Variants in RAP1A observed in about 807,000 individuals in gnomAD.
The protein encoded by RAP1A is RAP1A, member of RAS oncogene family.
In RAP1A, 6 loss-of-function variants were observed where a neutral mutation model predicts 26.4. The observed-to-expected ratio is 0.23, with a 90% CI of 0.12 to 0.45. RAP1A has a LOEUF of 0.45. Among genes scored for constraint, RAP1A ranks in the 20% least tolerant of loss-of-function variants. The pLI is 0.99. For missense variants in RAP1A, 121 were observed against 217.2 expected (o/e 0.56, Z 2.78); for synonymous variants, 73 against 79.4 (o/e 0.92, Z 0.43).
intron 1 of RAP1A, among the ~76,000 whole-genome samples, chr1:111,667,455 C>A (rs777492560): frequency 1.3e-5 from 2 of 152,044 alleles, no homozygotes; most frequent in Admixed American, 6.6e-5. Context: ...GAGGCCGAGG[C>A]GGCTGGATCA....
chr1:111,577,236 G>A (rs187662455), intron 1 of RAP1A, among the ~76,000 whole-genome samples: 33 of 151,714 alleles, frequency 2.2e-4, no homozygotes, highest in African/African-American at 6.3e-4. Context: ...AACCCTGTCC[G>A]TACTAAAAAT....
At chr1:111,705,912 A>G (rs1662174027) in intron 6 of RAP1A, among the ~76,000 whole-genome samples, 1 of 151,980 alleles carries the variant, frequency 6.6e-6, no homozygotes, top group Non-Finnish European at 1.5e-5. Flanking sequence ...AGTTCATCAG[A>G]CTCCAGGCTC....
At chr1:111,665,355 A>G (rs1271111478) in intron 1 of RAP1A, among the ~76,000 whole-genome samples, 1 of 152,200 alleles carries the variant, frequency 6.6e-6, no homozygotes, top group Admixed American at 6.5e-5. Flanking sequence ...GAATAAAGTT[A>G]GAGAGTGAAT....
intron 1 of RAP1A, among the ~76,000 whole-genome samples, chr1:111,559,605 T>C (rs1296258147): frequency 1.3e-5 from 2 of 152,222 alleles, no homozygotes; most frequent in African/African-American, 4.8e-5. Flanking sequence ...AATCAAATGG[T>C]ATCCAATGAC....
At chr1:111,699,173 A>C (rs558989) in intron 4 of RAP1A, among the ~76,000 whole-genome samples, 1 of 151,010 alleles carries the variant, frequency 6.6e-6, no homozygotes, top group African/African-American at 2.4e-5. Context: ...TCTCAAAATC[A>C]CTCCTTACAC....
At position 111,596,549 on chromosome 1, in the gene RAP1A, G is replaced by C. The variant is rs879486535; in HGVS notation, c.-28+54040G>C. 2.6e-5 allele frequency among the ~76,000 whole-genome samples: 4 copies of C among 152,202 alleles called. No homozygotes were observed. In the Middle Eastern group the frequency reaches 9.5e-3, roughly 361 times the overall value. On this transcript the variant is annotated intron_variant, in intron 1 of 7. Coordinates refer to the RAP1A transcript ENST00000356415. The stretch of plus-strand genomic sequence containing the variant: ...TAGTCCCATTCCTTGTACAGTGCTT[G>C]GTCCATAGCAGATGATCTTAGTCCA...
At chr1:111,661,593 G>A (rs991857674) in intron 1 of RAP1A, among the ~76,000 whole-genome samples, 3 of 152,122 alleles carry the variant, frequency 2.0e-5, no homozygotes, top group African/African-American at 7.2e-5. Flanking sequence ...GAGGTCAGGA[G>A]TTCGAGACCA....
chr1:111,646,339 A>G (rs1660062261), intron 1 of RAP1A, among the ~76,000 whole-genome samples: 1 of 151,454 alleles, frequency 6.6e-6, no homozygotes. Flanking sequence ...ATCCCTGCCA[A>G]TTAGAGCTAG....
chr1:111,641,139 G>A (rs962544535), intron 1 of RAP1A, among the ~76,000 whole-genome samples: 1 of 152,154 alleles, frequency 6.6e-6, no homozygotes, highest in Non-Finnish European at 1.5e-5. Flanking sequence ...GTACATATAT[G>A]CATATATAGA....
intron 1 of RAP1A, among the ~76,000 whole-genome samples, chr1:111,658,610 G>A (rs1294918231): frequency 6.6e-6 from 1 of 152,096 alleles, no homozygotes; most frequent in Non-Finnish European, 1.5e-5. Context: ...ACTGGTTCAG[G>A]ATCATTAAGA....
intron 1 of RAP1A, among the ~76,000 whole-genome samples, chr1:111,633,003 G>C (rs72695284): frequency 6.6e-6 from 1 of 151,746 alleles, no homozygotes; most frequent in South Asian, 2.1e-4. Flanking sequence ...ACCATTTGTG[G>C]CAGTATAATT....
At chr1:111,624,267 T>G (rs1206576188) in intron 1 of RAP1A, among the ~76,000 whole-genome samples, 4 of 152,186 alleles carry the variant, frequency 2.6e-5, no homozygotes, top group Non-Finnish European at 5.9e-5. Context: ...AACAAAAATA[T>G]TTAAGCTTTA....
intron 1 of RAP1A, among the ~76,000 whole-genome samples, chr1:111,606,194 C>G (rs142594261): frequency 6.6e-6 from 1 of 152,294 alleles, no homozygotes; most frequent in Non-Finnish European, 1.5e-5. Context: ...CTCAGAAACT[C>G]TCTCTGAATC....
At chr1:111,698,241 T>A (rs1045069362) in intron 4 of RAP1A, among the ~76,000 whole-genome samples, 10 of 152,204 alleles carry the variant, frequency 6.6e-5, no homozygotes, top group Admixed American at 5.9e-4. Flanking sequence ...ACTTGACACA[T>A]TAGGCAATTC....
chr1:111,543,064 G>A (rs1656903409), intron 1 of RAP1A, among the ~76,000 whole-genome samples: 1 of 152,002 alleles, frequency 6.6e-6, no homozygotes, highest in Non-Finnish European at 1.5e-5. Flanking sequence ...TCTCCCAGTG[G>A]GTTATAAAAT....
chr1:111,610,787 A>T (rs1035558779), intron 1 of RAP1A, among the ~76,000 whole-genome samples: 2 of 152,236 alleles, frequency 1.3e-5, no homozygotes, highest in African/African-American at 4.8e-5. Context: ...TCTTCTACTG[A>T]ATATAACAGA....
At chr1:111,691,306 A>G in intron 1 of RAP1A, 28 bp from the exon 2 acceptor site, 1 of 1,504,472 alleles carries the variant, frequency 6.6e-7, no homozygotes. Flanking sequence ...ATGTTTCTTA[A>G]TCTTTGATTT....
chr1:111,625,687 A>G (rs534675330), intron 1 of RAP1A, among the ~76,000 whole-genome samples: 7 of 152,340 alleles, frequency 4.6e-5, no homozygotes, highest in East Asian at 1.9e-4. Context: ...GGCCAAATCT[A>G]TTGATACCTT....
At chr1:111,670,767 A>G (rs1428863857) in intron 1 of RAP1A, among the ~76,000 whole-genome samples, 2 of 152,200 alleles carry the variant, frequency 1.3e-5, no homozygotes, top group Non-Finnish European at 2.9e-5. Context: ...GCAGATTTTT[A>G]TAAAAGAGAG....
Sources: allele counts gnomAD v4.1 joint callset (sites outside exome capture counted in the v4.1 genomes callset), GRCh38; gene constraint gnomAD v4.1.1; transcripts MANE v1.5; gene names NCBI Gene and HGNC (gene_info 2026-07-23, HGNC 2026-07-21).